The following KPNA5 variants were observed in gnomAD, a reference collection of about 807,000 sequenced individuals.
KPNA5 encodes the protein karyopherin subunit alpha 5, also known as importin subunit alpha-6.
A neutral mutation model predicts 71.3 loss-of-function variants in KPNA5; 46 were observed. That is an observed-to-expected ratio of 0.65 (90% CI 0.51 to 0.83). The LOEUF (loss-of-function observed/expected upper bound fraction) is 0.83, where lower values mean the gene tolerates loss of function less well. Among genes scored for constraint, KPNA5 ranks in the 40% least tolerant of loss-of-function variants. The pLI is 0.00. For missense variants in KPNA5, 547 were observed against 628.3 expected, an observed-to-expected ratio of 0.87 and a Z score of 1.38; for synonymous variants, 207 against 201.4, an observed-to-expected ratio of 1.03 and a Z score of -0.24.
At position 116,705,238 on chromosome 6, in the gene KPNA5, C is replaced by T. The variant is rs1009581140; in HGVS notation, c.656+78C>T. On this transcript the variant is annotated intron_variant, in intron 7 of 13. Coordinates refer to ENST00000368564, the MANE Select transcript of KPNA5 (RefSeq NM_001366306.2). ...ATTCTACATACATAATTAAGTTCTT[C>T]AGTCATACTTGTAAATTTGTCTTAT... 27 of 1,091,686 alleles carry T rather than the reference C, an allele frequency of 2.5e-5. 2 individuals are homozygous for T. In the Middle Eastern group the frequency reaches 9.1e-4, roughly 37 times the overall value. 67.6% of individuals were successfully genotyped at this position (1,091,686 alleles called of 1,614,324 possible).
intron 12 of KPNA5, among the ~76,000 whole-genome samples, chr6:116,728,495 A>G (rs1779359569): frequency 6.6e-6 from 1 of 152,126 alleles, no homozygotes; most frequent in African/African-American, 2.4e-5. Flanking sequence ...AAGTCATTTC[A>G]GTTATTGAGC....
intron 10 of KPNA5, 86 bp downstream of exon 10, chr6:116,724,461 C>T (rs1342616229): frequency 2.3e-6 from 2 of 856,526 alleles, no homozygotes; most frequent in Non-Finnish European, 3.8e-6. Context: ...ACATATTAAT[C>T]AAGATTTTAG....
At chr6:116,731,393 G>C (rs1213944539) in intron 13 of KPNA5, among the ~76,000 whole-genome samples, 2 of 152,086 alleles carry the variant, frequency 1.3e-5, no homozygotes, top group African/African-American at 4.8e-5. Flanking sequence ...GTCAGACTAG[G>C]GTTTGAGCTA....
intron 7 of KPNA5, among the ~76,000 whole-genome samples, chr6:116,710,894 T>TATA (rs57807333): frequency 0.049 from 3,805 of 78,208 alleles, 73 homozygotes; most frequent in African/African-American, 0.087. Flanking sequence ...TATATATATA[T>TATA]TTTTTTTTTT....
At chr6:116,716,367 T>C (rs1778888564) in intron 8 of KPNA5, 49 bp downstream of exon 8, 1 of 1,271,370 alleles carries the variant, frequency 7.9e-7, no homozygotes, top group Non-Finnish European at 1.1e-6. Flanking sequence ...TAAACCTAAG[T>C]TTCTATATAA....
chr6:116,706,224 A>G (rs1778430668), intron 7 of KPNA5, among the ~76,000 whole-genome samples: 1 of 152,174 alleles, frequency 6.6e-6, no homozygotes, highest in South Asian at 2.1e-4. Context: ...TCTCTATGTC[A>G]TTTTATTATT....
chr6:116,691,574 C>CATAAAT (rs1292452257), intron 2 of KPNA5, among the ~76,000 whole-genome samples: 2 of 152,154 alleles, frequency 1.3e-5, no homozygotes, highest in Non-Finnish European at 2.9e-5. Flanking sequence ...TTTTTATCTG[C>CATAAAT]TCCTGAATTA....
chr6:116,729,244 C>T (rs1467560751), intron 12 of KPNA5, among the ~76,000 whole-genome samples: 6 of 138,740 alleles, frequency 4.3e-5, no homozygotes, highest in African/African-American at 1.1e-4. Context: ...AACAACCTTT[C>T]GAACCTACGT....
intron 4 of KPNA5, among the ~76,000 whole-genome samples, chr6:116,695,737 A>G (rs556861703): frequency 5.9e-5 from 9 of 152,306 alleles, no homozygotes; most frequent in African/African-American, 1.9e-4. Context: ...CTTCCTCACA[A>G]TACTTCACAG....
intron 7 of KPNA5, among the ~76,000 whole-genome samples, chr6:116,709,747 G>T (rs1278364505): frequency 6.6e-6 from 1 of 151,366 alleles, no homozygotes; most frequent in East Asian, 1.9e-4. Flanking sequence ...CCTTTATCCT[G>T]TTGAGGTAGT....
rs1190635400 is a variant in KPNA5, at chr6:116,737,101, T to A, written c.*4778T>A. ...ATGTTTGGATATTGAATTTCCCATATTTGTTCTTCTTAACACAAGTTACTA... is the reference window on the plus strand; with the variant it reads ...ATGTTTGGATATTGAATTTCCCATAATTGTTCTTCTTAACACAAGTTACTA... On this transcript the variant is annotated 3_prime_UTR_variant, in exon 14 of 14. Transcript: ENST00000368564. 1 of 152,002 alleles carries A rather than the reference T, an allele frequency of 6.6e-6. No homozygotes were observed. The highest frequency in any genetic ancestry group is 6.6e-5 in the Admixed American group (1 of 15,220). 9.4% of individuals were successfully genotyped at this position (152,002 alleles called of 1,614,324 possible). A position where few individuals can be genotyped will look rare whatever the true frequency, so the allele number is the denominator to read the frequency against.
intron 1 of KPNA5, among the ~76,000 whole-genome samples, chr6:116,685,223 T>C (rs1437017504): frequency 3.3e-5 from 5 of 152,188 alleles, no homozygotes; most frequent in African/African-American, 2.4e-5. Flanking sequence ...ATGCCAACAA[T>C]GTGGACGACT....
At chr6:116,722,399 A>T (rs1779142739) in intron 9 of KPNA5, 110 bp downstream of exon 9, 2 of 926,436 alleles carry the variant, frequency 2.2e-6, no homozygotes, top group Admixed American at 6.4e-5. Flanking sequence ...GGGAAAATTA[A>T]AAAGCTACTG....
intron 7 of KPNA5, among the ~76,000 whole-genome samples, chr6:116,715,210 A>G (rs564978549): frequency 6.2e-4 from 95 of 152,086 alleles, no homozygotes; most frequent in Non-Finnish European, 1.2e-3. Flanking sequence ...TTGTACTTCT[A>G]GCAGGTTTGT....
chr6:116,728,561 TG>T (rs1779361427), intron 12 of KPNA5, among the ~76,000 whole-genome samples: 1 of 152,168 alleles, frequency 6.6e-6, no homozygotes, highest in Non-Finnish European at 1.5e-5. Flanking sequence ...CTCTTAACTA[TG>T]AGGCAGTTAT....
chr6:116,731,394 G>C (rs184783706), intron 13 of KPNA5, among the ~76,000 whole-genome samples: 1 of 152,126 alleles, frequency 6.6e-6, no homozygotes, highest in Non-Finnish European at 1.5e-5. Flanking sequence ...TCAGACTAGG[G>C]TTTGAGCTAT....
At position 116,733,604 on chromosome 6, in the gene KPNA5, C is replaced by CAT. The variant is rs1779571011; in HGVS notation, c.*1288_*1289dup. 1 of 151,018 alleles carries CAT rather than the reference C, an allele frequency of 6.6e-6. No homozygotes were observed. The highest frequency in any genetic ancestry group is 1.9e-4 in the East Asian group (1 of 5,188). The allele number at this position is 151,018 out of a possible 1,614,324, so 9.4% of individuals were successfully genotyped here. The stretch of plus-strand genomic sequence containing the variant: ...TAGAAAAATTATATATATATTTATA[C>CAT]ATATATATGTGTGTGTGTTACTCTC... On this transcript the variant is annotated 3_prime_UTR_variant, in exon 14 of 14. Coordinates refer to ENST00000368564, the MANE Select transcript of KPNA5 (RefSeq NM_001366306.2).
intron 8 of KPNA5, among the ~76,000 whole-genome samples, chr6:116,716,725 TAC>T (rs1778901804): frequency 6.6e-6 from 1 of 152,210 alleles, no homozygotes; most frequent in Admixed American, 6.5e-5. Flanking sequence ...CCTCTAGAAA[TAC>T]AGATGATTAA....
At chr6:116,701,329 G>A (rs1253088655) in intron 5 of KPNA5, among the ~76,000 whole-genome samples, 1 of 152,082 alleles carries the variant, frequency 6.6e-6, no homozygotes, top group Admixed American at 6.6e-5. Context: ...TTTGTAGGTT[G>A]TTTTCAGTAA....
Sources: gnomAD v4.1 joint callset for allele counts (sites outside exome capture counted in the v4.1 genomes callset) on GRCh38, gnomAD v4.1.1 for gene constraint, MANE v1.5 for transcripts, NCBI Gene and HGNC (gene_info 2026-07-23, HGNC 2026-07-21) for gene names.